Variants in ZNRF3 observed in about 807,000 individuals in gnomAD.
ZNRF3 encodes the protein zinc and ring finger 3, also known as E3 ubiquitin-protein ligase ZNRF3.
Under a neutral mutation model 72.5 loss-of-function variants are expected in ZNRF3, and 23 were observed. That is an observed-to-expected ratio of 0.32 (90% CI 0.23 to 0.45). The LOEUF (loss-of-function observed/expected upper bound fraction) is 0.45. Among genes scored for constraint, ZNRF3 ranks in the 20% least tolerant of loss-of-function variants. The pLI is 1.00. For synonymous variants in ZNRF3, 610 were observed against 545.3 expected (o/e 1.12, Z -1.65); for missense variants, 1,169 against 1,272.1 (o/e 0.92, Z 1.23).
chr22:28,967,798 A>G (rs2035498921), intron 1 of ZNRF3, among the ~76,000 whole-genome samples: 2 of 151,356 alleles, frequency 1.3e-5, no homozygotes, highest in African/African-American at 2.4e-5. Context: ...AATGACACAC[A>G]CCTGTAGTCC....
At chr22:29,044,122 C>T (rs2037017658) in intron 4 of ZNRF3, among the ~76,000 whole-genome samples, 1 of 152,204 alleles carries the variant, frequency 6.6e-6, no homozygotes, top group South Asian at 2.1e-4. Context: ...CTTTCCCATA[C>T]ACAACATAGC....
rs1390708274 is a variant in ZNRF3, at chr22:29,046,710, C to T, written c.745-6C>T. Reference sequence around the variant, plus strand: ...ACCCTCACACAGACTACATTCTGCCCTGCAGAATTCCATGAACAGGCTGGC... The same window carrying T: ...ACCCTCACACAGACTACATTCTGCCTTGCAGAATTCCATGAACAGGCTGGC... On this transcript the variant is annotated splice_polypyrimidine_tract_variant and splice_region_variant and intron_variant, in intron 5 of 8. Coordinates refer to ENST00000544604, the MANE Select transcript of ZNRF3 (RefSeq NM_001206998.2). The T allele has an allele frequency of 5.0e-6, 8 of 1,595,416 alleles. No homozygotes were observed. The highest frequency in any genetic ancestry group is 2.7e-5 in the African/African-American group (2 of 74,586).
intron 1 of ZNRF3, among the ~76,000 whole-genome samples, chr22:28,947,701 A>G (rs1340954007): frequency 2.0e-5 from 3 of 152,130 alleles, no homozygotes; most frequent in Non-Finnish European, 4.4e-5. Flanking sequence ...GTCCATTTCA[A>G]TTGGGTTACT....
chr22:28,976,677 T>G (rs773713568), intron 1 of ZNRF3, among the ~76,000 whole-genome samples: 2 of 152,224 alleles, frequency 1.3e-5, no homozygotes, highest in African/African-American at 4.8e-5. Flanking sequence ...ATAAGAACGA[T>G]CAAATGTCCT....
intron 1 of ZNRF3, among the ~76,000 whole-genome samples, chr22:28,897,895 G>A (rs2034029894): frequency 6.6e-6 from 1 of 152,192 alleles, no homozygotes; most frequent in Non-Finnish European, 1.5e-5. Context: ...AGCATAGTGA[G>A]AGGGATGTGA....
chr22:29,024,284 G>GTTGTTTT (rs777382679), intron 2 of ZNRF3, among the ~76,000 whole-genome samples: 1 of 127,826 alleles, frequency 7.8e-6, no homozygotes, highest in East Asian at 2.3e-4. Context: ...GGCATTAACT[G>GTTGTTTT]TTTTTTTTTT....
In ZNRF3 at chr22:29,055,991, T is replaced by G. The variant is rs2037290923; in HGVS notation, c.*2369T>G. The G allele has an allele frequency of 6.6e-6, 1 of 152,202 alleles. No homozygotes were observed. The highest frequency in any genetic ancestry group is 1.5e-5 in the Non-Finnish European group (1 of 68,036). The allele number at this position is 152,202 out of a possible 1,614,324, so 9.4% of individuals were successfully genotyped here. A position where few individuals can be genotyped will look rare whatever the true frequency, so the allele number is the denominator to read the frequency against. On this transcript the variant is annotated 3_prime_UTR_variant, in exon 9 of 9. Transcript: ENST00000544604. ...TAAAGTAAGTGTGTCTAGTTTTCAC[T>G]TGAACAAGTGATAGCTGCAGATGGC... is the stretch of plus-strand genomic sequence containing the variant.
chr22:29,027,277 TC>T (rs11322105), intron 2 of ZNRF3, among the ~76,000 whole-genome samples: 65,435 of 151,666 alleles, frequency 0.43, 14,645 homozygotes, highest in Non-Finnish European at 0.49. Flanking sequence ...AGATGAAGTC[TC>T]ACTCTTGTCC....
At chr22:28,892,576 G>A (rs1368705461) in intron 1 of ZNRF3, among the ~76,000 whole-genome samples, 2 of 152,224 alleles carry the variant, frequency 1.3e-5, no homozygotes, top group African/African-American at 4.8e-5. Flanking sequence ...TAGCTTGAAT[G>A]AGATGTTTTA....
chr22:29,050,864 G>C lies in ZNRF3; in HGVS notation c.2683G>C (p.Glu895Gln), dbSNP rs1239778675. 1.2e-5 allele frequency: 19 copies of C among 1,599,052 alleles called. No homozygotes were observed. Among genetic ancestry groups the C allele is most frequent in the Non-Finnish European group, 1.6e-5 (19 of 1,177,150 alleles). The change falls in exon 8 of 9, where the codon GAG becomes CAG. Residue 895 changes from glutamate (E) to glutamine (Q), a missense_variant. This residue lies in a region of ZNRF3 where 783 missense variants were observed against 731.4 expected (regional missense o/e 1.07). Transcript: ENST00000544604. ...CCTACTGCGGCCTGGCTGCCCTCCGGAGGAGGCGGGTGCTGTCAGGGCCAA... is the reference window on the plus strand; with the variant it reads ...CCTACTGCGGCCTGGCTGCCCTCCGCAGGAGGCGGGTGCTGTCAGGGCCAA... ...RALLRPGCPP[E>Q]EAGAVRANFP...
At chr22:29,038,706 T>G (rs900811073) in intron 2 of ZNRF3, among the ~76,000 whole-genome samples, 3 of 152,172 alleles carry the variant, frequency 2.0e-5, no homozygotes, top group African/African-American at 7.2e-5. Flanking sequence ...CATGGCCTAT[T>G]TTAAATCCTA....
chr22:29,053,726 C>T lies in ZNRF3; in HGVS notation c.*104C>T. 1 of 1,223,984 alleles carries T rather than the reference C, an allele frequency of 8.2e-7. No homozygotes were observed. Among genetic ancestry groups the T allele is most frequent in the Non-Finnish European group, 1.1e-6 (1 of 871,294 alleles). The allele number at this position is 1,223,984 out of a possible 1,614,324, so 75.8% of individuals were successfully genotyped here. Reference sequence around the variant, plus strand: ...AAAATTTTTTTAGCTTTGACAAACACACAAAAGTGGTAATAAAGAGAGCCC... The same window carrying T: ...AAAATTTTTTTAGCTTTGACAAACATACAAAAGTGGTAATAAAGAGAGCCC... On this transcript the variant is annotated 3_prime_UTR_variant, in exon 9 of 9. Transcript: ENST00000544604.
intron 1 of ZNRF3, among the ~76,000 whole-genome samples, chr22:28,974,821 A>T (rs1469890929): frequency 6.6e-6 from 1 of 152,042 alleles, no homozygotes; most frequent in East Asian, 1.9e-4. Context: ...ATTTTTGTAG[A>T]GACAGGGGTC....
At chr22:28,937,202 TATATATA>T (rs1274628712) in intron 1 of ZNRF3, among the ~76,000 whole-genome samples, 39 of 3,272 alleles carry the variant, frequency 0.012, no homozygotes, top group Non-Finnish European at 0.044. Flanking sequence ...TATATATATA[TATATATA>T]TATATATTTT....
intron 1 of ZNRF3, chr22:28,917,614 A>G (rs2034432526): frequency 5.2e-6 from 1 of 191,194 alleles, no homozygotes; most frequent in African/African-American, 2.4e-5. Context: ...ATGCGGGAGG[A>G]TCCTTTGAGC....
At chr22:28,941,203 AGTCCTTTGCAT>A (rs1303808352) in intron 1 of ZNRF3, among the ~76,000 whole-genome samples, 2 of 152,146 alleles carry the variant, frequency 1.3e-5, no homozygotes, top group Non-Finnish European at 2.9e-5. Context: ...GGAAATCAAG[AGTCCTTTGCAT>A]GTGCCTGGGT....
Position 28,990,506 on chromosome 22 carries a change from G to T in ZNRF3, c.426+3305G>T, listed in dbSNP as rs375104490. On this transcript the variant is annotated intron_variant, in intron 2 of 8. Transcript: ENST00000544604. Reference sequence around the variant, plus strand: ...TTGAAACCAGCCTGGCCAATATGGCGAAATCCCATCTCTACTAAAAATACA... The same window carrying T: ...TTGAAACCAGCCTGGCCAATATGGCTAAATCCCATCTCTACTAAAAATACA... 2.6e-5 allele frequency among the ~76,000 whole-genome samples: 4 copies of T among 152,192 alleles called. No homozygotes were observed. In the East Asian group the frequency reaches 5.8e-4, roughly 22 times the overall value.
intron 1 of ZNRF3, among the ~76,000 whole-genome samples, chr22:28,969,469 T>A (rs1288500613): frequency 6.6e-6 from 1 of 151,884 alleles, no homozygotes; most frequent in Admixed American, 6.6e-5. Flanking sequence ...AAGGACAGAG[T>A]CAAGCCTAGT....
At chr22:29,011,372 G>A (rs1255411490) in intron 2 of ZNRF3, among the ~76,000 whole-genome samples, 2 of 152,180 alleles carry the variant, frequency 1.3e-5, no homozygotes, top group African/African-American at 4.8e-5. Context: ...TCCGTGGCCA[G>A]CTGCCACCAG....
Sources: gnomAD v4.1 joint callset for allele counts (sites outside exome capture counted in the v4.1 genomes callset) on GRCh38, gnomAD v4.1.1 for gene constraint, gnomAD v4.1.1 regional missense constraint, MANE v1.5 for transcripts, NCBI Gene and HGNC (gene_info 2026-07-23, HGNC 2026-07-21) for gene names.